ARHGAP26: variants seen among roughly 807,000 people sequenced by gnomAD.
The protein encoded by ARHGAP26 is Rho GTPase activating protein 26, also known as rho GTPase-activating protein 26.
In ARHGAP26, 38 loss-of-function variants were observed where a neutral mutation model predicts 104.8. The ratio of observed to expected loss-of-function variants is 0.36; its 90% confidence interval spans 0.28 to 0.48. The LOEUF (loss-of-function observed/expected upper bound fraction) is 0.48. Ranked by LOEUF, ARHGAP26 falls within the 20% of genes least tolerant of loss-of-function variation. The probability of loss-of-function intolerance (pLI) is 0.99; values close to 1 mark genes in which losing one functional copy is unlikely to be tolerated. For missense variants in ARHGAP26, 704 were observed against 947.9 expected, an observed-to-expected ratio of 0.74 and a Z score of 3.38; for synonymous variants, 341 against 340.0, an observed-to-expected ratio of 1.00 and a Z score of -0.03.
chr5:142,946,223 A>G (rs977216870), intron 11 of ARHGAP26, among the ~76,000 whole-genome samples: 13 of 152,166 alleles, frequency 8.5e-5, no homozygotes, highest in African/African-American at 3.1e-4. Flanking sequence ...TGAACATTGT[A>G]TCTTCTACCC....
At chr5:142,930,543 C>G (rs1598286869) in intron 10 of ARHGAP26, among the ~76,000 whole-genome samples, 2 of 152,068 alleles carry the variant, frequency 1.3e-5, no homozygotes, top group Non-Finnish European at 2.9e-5. Context: ...GTTCCACCAT[C>G]ATCAACACGC....
intron 17 of ARHGAP26, among the ~76,000 whole-genome samples, chr5:143,078,268 C>G (rs1348566874): frequency 2.0e-5 from 3 of 152,136 alleles, no homozygotes; most frequent in Admixed American, 6.5e-5. Flanking sequence ...GAAGAGACAC[C>G]TGGGTGCAAA....
At chr5:143,153,942 A>G (rs1276826485) in intron 20 of ARHGAP26, among the ~76,000 whole-genome samples, 2 of 152,210 alleles carry the variant, frequency 1.3e-5, no homozygotes, top group African/African-American at 2.4e-5. Context: ...GCCTGCGTCC[A>G]GACAGAGTTG....
At chr5:143,085,179 G>A (rs1790397267) in intron 17 of ARHGAP26, among the ~76,000 whole-genome samples, 1 of 151,936 alleles carries the variant, frequency 6.6e-6, no homozygotes, top group Admixed American at 6.6e-5. Flanking sequence ...CTCTCTGTTA[G>A]AGGACAAGCT....
chr5:142,878,119 C>T lies in ARHGAP26; in HGVS notation c.313-1255C>T, dbSNP rs1013383610. Among the ~76,000 whole-genome samples, 5 of 152,218 alleles carry T rather than the reference C, an allele frequency of 3.3e-5. No individual in the cohort carries two copies. In the East Asian group the frequency reaches 9.6e-4, roughly 29 times the overall value. ...TCAGTTAGTTCTTTACTGTGTCCAT[C>T]TGTGACTTCTGGCATTTACCCGGTT... On this transcript the variant is annotated intron_variant, in intron 3 of 22. Coordinates refer to ENST00000645722, the MANE Select transcript of ARHGAP26 (RefSeq NM_001135608.3).
intron 11 of ARHGAP26, among the ~76,000 whole-genome samples, chr5:142,990,955 C>G (rs897473192): frequency 1.6e-4 from 24 of 152,222 alleles, no homozygotes; most frequent in African/African-American, 5.8e-4. Flanking sequence ...AGATCTCAAA[C>G]TCCGTGTTGG....
intron 11 of ARHGAP26, among the ~76,000 whole-genome samples, chr5:142,957,034 G>T (rs1285686703): frequency 1.3e-5 from 2 of 152,140 alleles, no homozygotes; most frequent in Non-Finnish European, 2.9e-5. Context: ...ACCATATCAA[G>T]ACCTCTTGAA....
chr5:143,028,467 A>T (rs183327826), intron 12 of ARHGAP26, among the ~76,000 whole-genome samples: 24 of 152,388 alleles, frequency 1.6e-4, no homozygotes, highest in South Asian at 1.2e-3. Flanking sequence ...TGGGGTTATC[A>T]TAAAGATAAC....
intron 17 of ARHGAP26, among the ~76,000 whole-genome samples, chr5:143,103,752 A>G (rs1008365413): frequency 6.6e-6 from 1 of 152,208 alleles, no homozygotes; most frequent in African/African-American, 2.4e-5. Context: ...CAGTGAGAAC[A>G]TATGGGCACA....
chr5:142,866,521 T>A (rs907088178), intron 1 of ARHGAP26, among the ~76,000 whole-genome samples: 1 of 152,170 alleles, frequency 6.6e-6, no homozygotes, highest in Non-Finnish European at 1.5e-5. Flanking sequence ...TCATAGTTAT[T>A]TGGATGTAGA....
chr5:142,903,750 A>T, intron 8 of ARHGAP26, 81 bp downstream of exon 8: 2 of 1,435,608 alleles, frequency 1.4e-6, no homozygotes, highest in Non-Finnish European at 1.9e-6. Context: ...AGCAGTGCCT[A>T]CCTTACTGTA....
intron 20 of ARHGAP26, among the ~76,000 whole-genome samples, chr5:143,201,798 C>T (rs191038789): frequency 1.3e-3 from 199 of 152,280 alleles, no homozygotes; most frequent in African/African-American, 4.7e-3. Flanking sequence ...TGCATCTTTG[C>T]AGTACATAAA....
chr5:142,999,435 G>C (rs1776888487), intron 11 of ARHGAP26, among the ~76,000 whole-genome samples: 1 of 152,150 alleles, frequency 6.6e-6, no homozygotes, highest in African/African-American at 2.4e-5. Flanking sequence ...TATGAGAACT[G>C]TTTTGGGGGA....
At chr5:143,032,927 G>A (rs1782099819) in intron 12 of ARHGAP26, among the ~76,000 whole-genome samples, 1 of 152,190 alleles carries the variant, frequency 6.6e-6, no homozygotes. Flanking sequence ...ACTAGTTCCA[G>A]TTTAGAGGTT....
At chr5:143,139,647 T>C (rs765265841) in intron 19 of ARHGAP26, among the ~76,000 whole-genome samples, 14 of 152,140 alleles carry the variant, frequency 9.2e-5, no homozygotes, top group Non-Finnish European at 1.9e-4. Flanking sequence ...GAGAGCGATA[T>C]GTGTTGAATG....
At chr5:143,110,419 T>C (rs958516284) in intron 17 of ARHGAP26, among the ~76,000 whole-genome samples, 13 of 152,186 alleles carry the variant, frequency 8.5e-5, no homozygotes, top group Admixed American at 2.6e-4. Context: ...ACTTTCTTCG[T>C]TGGGTAGAAA....
intron 19 of ARHGAP26, among the ~76,000 whole-genome samples, chr5:143,145,621 A>C (rs1470481747): frequency 6.6e-6 from 1 of 152,228 alleles, no homozygotes; most frequent in Non-Finnish European, 1.5e-5. Flanking sequence ...GTCCTCCTAC[A>C]TCTTGGCTCA....
chr5:143,161,217 G>A (rs1451728027), intron 20 of ARHGAP26, among the ~76,000 whole-genome samples: 5 of 151,792 alleles, frequency 3.3e-5, no homozygotes, highest in Non-Finnish European at 2.9e-5. Flanking sequence ...TTACCGTGTT[G>A]GCCAGACTGG....
At position 142,963,204 on chromosome 5, in the gene ARHGAP26, G is replaced by GTATATATATA. The variant is rs1311552972; in HGVS notation, c.1107+31080_1107+31081insATATATATAT. Among the ~76,000 whole-genome samples, 762 of 95,892 alleles carry GTATATATATA rather than the reference G, an allele frequency of 7.9e-3. 9 individuals are homozygous for GTATATATATA. The highest frequency in any genetic ancestry group is 0.01 in the Non-Finnish European group (551 of 54,184). 62.9% of individuals were successfully genotyped at this position (95,892 alleles called of 152,430 possible). ...TATATATATATATATATATATGTGTGTGTGTGTGTGTGTGTGCGCGTGTGT... is the reference window on the plus strand; with the variant it reads ...TATATATATATATATATATATGTGTGTATATATATATGTGTGTGTGTGTGTGCGCGTGTGT... On this transcript the variant is annotated intron_variant, in intron 11 of 22. Coordinates refer to ENST00000645722, the MANE Select transcript of ARHGAP26 (RefSeq NM_001135608.3).
Sources: allele counts gnomAD v4.1 joint callset (sites outside exome capture counted in the v4.1 genomes callset), GRCh38; gene constraint gnomAD v4.1.1; transcripts MANE v1.5; gene names NCBI Gene and HGNC (gene_info 2026-07-23, HGNC 2026-07-21).